GABRB3: variants seen among roughly 807,000 people sequenced by gnomAD.
GABRB3 encodes the protein gamma-aminobutyric acid receptor subunit beta-3.
GABRB3 carries 14 observed loss-of-function variants against 52.1 expected under a neutral mutation model. The observed-to-expected ratio is 0.27, with a 90% confidence interval of 0.18 to 0.42. The LOEUF (loss-of-function observed/expected upper bound fraction) is 0.42. Ranked by LOEUF, GABRB3 falls within the 10% of genes least tolerant of loss-of-function variation. GABRB3 has a pLI of 1.00. For missense variants in GABRB3, 307 were observed against 609.1 expected (o/e 0.50, Z 5.22); for synonymous variants, 260 against 232.3 (o/e 1.12, Z -1.08).
chr15:26,730,968 T>C (rs1889894731), intron 3 of GABRB3, among the ~76,000 whole-genome samples: 1 of 152,174 alleles, frequency 6.6e-6, no homozygotes, highest in Non-Finnish European at 1.5e-5. Context: ...TAATTTGGGT[T>C]CAACATTTAA....
intron 4 of GABRB3, among the ~76,000 whole-genome samples, chr15:26,602,643 C>T (rs962720126): frequency 6.6e-6 from 1 of 151,920 alleles, no homozygotes; most frequent in African/African-American, 2.4e-5. Flanking sequence ...AGAAACTGAA[C>T]AATAGGTTCC....
At chr15:26,646,883 G>A (rs975594310) in intron 3 of GABRB3, among the ~76,000 whole-genome samples, 5 of 152,060 alleles carry the variant, frequency 3.3e-5, no homozygotes, top group Middle Eastern at 3.4e-3. Context: ...TTGCTCTGTC[G>A]CCCAGGCTGG....
At chr15:26,553,700 A>G (rs996569941) in intron 8 of GABRB3, among the ~76,000 whole-genome samples, 7 of 152,052 alleles carry the variant, frequency 4.6e-5, no homozygotes, top group African/African-American at 1.4e-4. Context: ...GTTCGAGACC[A>G]TTCATTAAAA....
At chr15:26,765,112 A>T (rs572900545) in intron 3 of GABRB3, among the ~76,000 whole-genome samples, 1 of 129,498 alleles carries the variant, frequency 7.7e-6, no homozygotes, top group South Asian at 3.0e-4. Flanking sequence ...CCGGGGTGAC[A>T]GAGCGAGACT....
At chr15:26,617,150 G>A (rs1892286240) in intron 4 of GABRB3, among the ~76,000 whole-genome samples, 1 of 152,084 alleles carries the variant, frequency 6.6e-6, no homozygotes. Context: ...TCTACCAGAG[G>A]TACAAGGAGG....
intron 3 of GABRB3, among the ~76,000 whole-genome samples, chr15:26,656,055 T>C (rs2140600123): frequency 6.6e-6 from 1 of 152,264 alleles, no homozygotes; most frequent in South Asian, 2.1e-4. Flanking sequence ...CTTCGTTACT[T>C]TGGGATGTGC....
chr15:26,696,308 G>A (rs996395114), intron 3 of GABRB3, among the ~76,000 whole-genome samples: 7 of 151,940 alleles, frequency 4.6e-5, no homozygotes, highest in African/African-American at 1.7e-4. Flanking sequence ...TTAGCATTTT[G>A]TATATACATT....
intron 4 of GABRB3, 32 bp from the exon 5 acceptor site, chr15:26,583,446 AG>A: frequency 6.4e-7 from 1 of 1,556,034 alleles, no homozygotes. Flanking sequence ...AAGATATTAA[AG>A]AAGGGCTGAG....
chr15:26,770,371 C>T (rs1891112983), intron 3 of GABRB3, among the ~76,000 whole-genome samples: 1 of 152,188 alleles, frequency 6.6e-6, no homozygotes, highest in Admixed American at 6.5e-5. Context: ...TACCTGTTGG[C>T]TATGGAATAT....
intron 3 of GABRB3, among the ~76,000 whole-genome samples, chr15:26,764,954 A>C (rs3212340): frequency 0.92 from 139,306 of 151,828 alleles, 63,959 homozygotes; most frequent in East Asian, 1. Flanking sequence ...CACGGTGAAA[A>C]CCCGTCTCTA....
chr15:26,715,868 T>C (rs1050986012), intron 3 of GABRB3, among the ~76,000 whole-genome samples: 2 of 152,178 alleles, frequency 1.3e-5, no homozygotes, highest in Non-Finnish European at 2.9e-5. Context: ...TCATTTATAA[T>C]GTATAGAATG....
chr15:26,773,306 C>A (rs1891213091), upstream of GABRB3, among the ~76,000 whole-genome samples: 1 of 150,536 alleles, frequency 6.6e-6, no homozygotes, highest in South Asian at 2.1e-4. Flanking sequence ...GGACTCGGAC[C>A]TCTGGGACCG....
chr15:26,767,924 A>G (rs1166853386), intron 3 of GABRB3, among the ~76,000 whole-genome samples: 1 of 152,208 alleles, frequency 6.6e-6, no homozygotes, highest in South Asian at 2.1e-4. Flanking sequence ...GTACATGGGT[A>G]TGACTGTATC....
intron 3 of GABRB3, among the ~76,000 whole-genome samples, chr15:26,729,506 C>T (rs1361597840): frequency 1.3e-5 from 2 of 152,136 alleles, no homozygotes; most frequent in African/African-American, 2.4e-5. Context: ...TTTTAGGAGG[C>T]CTGCAGACTT....
chr15:26,772,345 T>C, intron 3 of GABRB3, 57 bp downstream of exon 3: 1 of 1,481,870 alleles, frequency 6.7e-7, no homozygotes, highest in Non-Finnish European at 9.3e-7. Context: ...TGGACGCCTG[T>C]GATCCCAGAC....
At chr15:26,702,233 C>T (rs748496088) in intron 3 of GABRB3, among the ~76,000 whole-genome samples, 1 of 152,178 alleles carries the variant, frequency 6.6e-6, no homozygotes. Context: ...AAAAACACTA[C>T]ACTGAAAAAC....
At chr15:26,710,413 C>T (rs2140129264) in intron 3 of GABRB3, among the ~76,000 whole-genome samples, 1 of 152,230 alleles carries the variant, frequency 6.6e-6, no homozygotes, top group African/African-American at 2.4e-5. Context: ...AGGCACCTGC[C>T]ACCACGCCCA....
intron 3 of GABRB3, among the ~76,000 whole-genome samples, chr15:26,713,854 G>A (rs1484831409): frequency 2.0e-5 from 3 of 152,160 alleles, no homozygotes; most frequent in Non-Finnish European, 4.4e-5. Flanking sequence ...ACACCCTCAG[G>A]GGAAGAGACC....
intron 8 of GABRB3, among the ~76,000 whole-genome samples, chr15:26,554,688 G>C (rs906655012): frequency 5.3e-5 from 8 of 152,222 alleles, no homozygotes; most frequent in Non-Finnish European, 1.0e-4. Flanking sequence ...CGTCATGGGT[G>C]TGCATATTTT....
Sources: gnomAD v4.1 joint callset for allele counts (sites outside exome capture counted in the v4.1 genomes callset) on GRCh38, gnomAD v4.1.1 for gene constraint, MANE v1.5 for transcripts, NCBI Gene and HGNC (gene_info 2026-07-23, HGNC 2026-07-21) for gene names.